MUSK: variants seen among roughly 807,000 people sequenced by gnomAD.
The protein encoded by MUSK is muscle associated receptor tyrosine kinase, also known as muscle, skeletal receptor tyrosine-protein kinase.
A neutral mutation model predicts 88.7 loss-of-function variants in MUSK; 55 were observed. The ratio of observed to expected loss-of-function variants is 0.62; its 90% CI spans 0.50 to 0.78. MUSK has a LOEUF of 0.78. Ranked by LOEUF, MUSK falls within the 30% of genes least tolerant of loss-of-function variation. The pLI is 0.00. For missense variants in MUSK, 1,015 were observed against 1,074.3 expected (o/e 0.94, Z 0.77); for synonymous variants, 387 against 391.9 (o/e 0.99, Z 0.15).
rs1403543378 is a variant in MUSK, at chr9:110,768,064, A to G, written c.1165A>G (p.Thr389Ala). The stretch of plus-strand genomic sequence containing the variant: ...GGAGTGCAGTCCTGGAGTAGTGCCT[A>G]CTCCTATTCCCATTTGCAGGTAAAA... ...FQECSPGVVPTPIPICREYCL... is the reference protein window; with the variant it reads ...FQECSPGVVPAPIPICREYCL... Residue 389 changes from threonine to alanine, a missense_variant, in exon 9 of 15, where the codon ACT becomes GCT. Coordinates refer to ENST00000374448, the MANE Select transcript of MUSK (RefSeq NM_005592.4). The G allele has an allele frequency of 1.2e-6, 2 of 1,603,014 alleles. No homozygotes were observed. The highest frequency in any genetic ancestry group is 1.7e-6 in the Non-Finnish European group (2 of 1,173,454).
rs2767011 is a variant in MUSK at position 110,776,905 on chromosome 9, T to A, written c.1384+250T>A. ...AAATGCTATCTCCCACCTCAAGGTT[T>A]TTAGTCTGTTTTATTTCTTATATGG... On this transcript the variant is annotated intron_variant, in intron 11 of 14. Coordinates refer to ENST00000374448, the MANE Select transcript of MUSK (RefSeq NM_005592.4). 0.85 allele frequency among the ~76,000 whole-genome samples: 129,304 copies of A among 151,828 alleles called. 55,437 individuals carry two copies. Among genetic ancestry groups the A allele is most frequent in the African/African-American group, 0.95 (39,524 of 41,482 alleles).
intron 1 of MUSK, among the ~76,000 whole-genome samples, chr9:110,681,305 A>G (rs557915783): frequency 1.4e-5 from 2 of 147,876 alleles, no homozygotes; most frequent in South Asian, 4.2e-4. Flanking sequence ...TATTTCAACT[A>G]CTATGTTTCA....
chr9:110,668,800 C>A lies in MUSK; in HGVS notation c.-105C>A. ...AGCTGCTGACACAAACAGTCATTAG[C>A]AGACAACCCTTTTGCAACAAAGTAT... is the stretch of plus-strand genomic sequence containing the variant. On this transcript the variant is annotated 5_prime_UTR_variant, in exon 1 of 15. Transcript: ENST00000374448. 3.5e-6 allele frequency: 3 copies of A among 848,860 alleles called. No homozygotes were observed. Among genetic ancestry groups the A allele is most frequent in the Non-Finnish European group, 6.0e-6 (3 of 502,656 alleles). 52.6% of individuals were successfully genotyped at this position (848,860 alleles called of 1,614,324 possible). A position where few individuals can be genotyped will look rare whatever the true frequency, so the allele number is the denominator to read the frequency against.
In MUSK at chr9:110,670,056, A is replaced by C. The variant is rs2075937567; in HGVS notation, c.79+1073A>C. On this transcript the variant is annotated intron_variant, in intron 1 of 14. Coordinates refer to ENST00000374448, the MANE Select transcript of MUSK (RefSeq NM_005592.4). ...CTGGAGCCATAAGGTCAAAGTTCACATGCAAATAAGATGCGGGTTTCTTCA... is the reference window on the plus strand; with the variant it reads ...CTGGAGCCATAAGGTCAAAGTTCACCTGCAAATAAGATGCGGGTTTCTTCA... 4.0e-5 allele frequency among the ~76,000 whole-genome samples: 6 copies of C among 150,662 alleles called. No individual in the cohort carries two copies. The South Asian group carries it at 1.0e-3, about 26-fold the overall frequency.
intron 3 of MUSK, among the ~76,000 whole-genome samples, chr9:110,692,930 G>T (rs1448465456): frequency 6.6e-6 from 1 of 151,178 alleles, no homozygotes; most frequent in Non-Finnish European, 1.5e-5. Flanking sequence ...TTTATTTTTT[G>T]ATCATAATAA....
intron 5 of MUSK, 96 bp downstream of exon 5, chr9:110,697,562 C>T (rs944033254): frequency 7.8e-7 from 1 of 1,276,614 alleles, no homozygotes; most frequent in Non-Finnish European, 1.0e-6. Context: ...GAGATGTGGG[C>T]AGCCCACTTC....
At chr9:110,760,255 G>A (rs375046564) in intron 7 of MUSK, among the ~76,000 whole-genome samples, 4 of 152,212 alleles carry the variant, frequency 2.6e-5, no homozygotes, top group East Asian at 1.9e-4. Context: ...AAAGACACAT[G>A]CATGCAAATG....
At chr9:110,755,801 C>T (rs1046130219) in intron 7 of MUSK, among the ~76,000 whole-genome samples, 7 of 151,386 alleles carry the variant, frequency 4.6e-5, no homozygotes, top group Admixed American at 1.3e-4. Flanking sequence ...ACAAGGAAGG[C>T]GGCAAATGTG....
intron 11 of MUSK, among the ~76,000 whole-genome samples, chr9:110,784,337 G>A (rs1020184296): frequency 6.6e-6 from 1 of 152,028 alleles, no homozygotes; most frequent in African/African-American, 2.4e-5. Context: ...TTTGACAGGA[G>A]TTCAGTTTTT....
chr9:110,779,677 G>A (rs2077722810), intron 11 of MUSK, among the ~76,000 whole-genome samples: 1 of 152,234 alleles, frequency 6.6e-6, no homozygotes, highest in African/African-American at 2.4e-5. Context: ...TTAAACTCAT[G>A]CTAGCTGTCT....
rs559009928 is a variant in MUSK, at chr9:110,798,187, A to G, written c.1928-2119A>G. 2.6e-5 allele frequency among the ~76,000 whole-genome samples: 4 copies of G among 152,338 alleles called. No individual in the cohort carries two copies. The South Asian group carries it at 6.2e-4, about 24-fold the overall frequency. On this transcript the variant is annotated intron_variant, in intron 14 of 14. Coordinates refer to ENST00000374448, the MANE Select transcript of MUSK (RefSeq NM_005592.4). ...TTAATCCCAGTGAAATAAGATGACA[A>G]TAGTGGAAGAAAGGGGAATTGGGAA...
At chr9:110,673,008 G>A (rs924193185) in intron 1 of MUSK, among the ~76,000 whole-genome samples, 3 of 152,136 alleles carry the variant, frequency 2.0e-5, no homozygotes, top group African/African-American at 7.2e-5. Context: ...TAGTTTAAAC[G>A]AGCTCTGGCT....
chr9:110,788,585 T>A (rs182053539), intron 14 of MUSK, among the ~76,000 whole-genome samples: 66 of 151,114 alleles, frequency 4.4e-4, no homozygotes, highest in Non-Finnish European at 8.1e-4. Flanking sequence ...TAAGCCAAGA[T>A]TGCACCACTG....
chr9:110,671,455 T>C (rs2075955753), intron 1 of MUSK, among the ~76,000 whole-genome samples: 2 of 152,220 alleles, frequency 1.3e-5, no homozygotes. Flanking sequence ...AGCTAATAAA[T>C]TGACATATTT....
intron 11 of MUSK, among the ~76,000 whole-genome samples, chr9:110,782,365 C>T (rs932781097): frequency 1.3e-5 from 2 of 152,154 alleles, no homozygotes; most frequent in African/African-American, 4.8e-5. Flanking sequence ...ACAAAACTAT[C>T]TTGAAGGAAA....
At chr9:110,682,879 T>A in intron 2 of MUSK, 79 bp downstream of exon 2, 1 of 1,042,826 alleles carries the variant, frequency 9.6e-7, no homozygotes, top group Non-Finnish European at 1.3e-6. Context: ...ATTTATGAAG[T>A]AGATGAGATG....
intron 5 of MUSK, chr9:110,728,624 A>T: frequency 9.6e-7 from 1 of 1,036,872 alleles, no homozygotes; most frequent in Non-Finnish European, 1.5e-6. Flanking sequence ...TTCCCTTTTC[A>T]TGATGTGTTG....
chr9:110,718,662 A>G (rs2076774399), intron 5 of MUSK, among the ~76,000 whole-genome samples: 1 of 152,134 alleles, frequency 6.6e-6, no homozygotes, highest in African/African-American at 2.4e-5. Flanking sequence ...AACATATTTG[A>G]GGAAATAATC....
rs10817090 is a variant in MUSK, at chr9:110,755,953, C to T, written c.914-6249C>T. 7.9e-3 allele frequency among the ~76,000 whole-genome samples: 555 copies of T among 70,566 alleles called. 9 individuals are homozygous for T. The highest frequency in any genetic ancestry group is 8.4e-3 in the Non-Finnish European group (302 of 36,080). The allele number at this position is 70,566 out of a possible 152,430, so 46.3% of individuals were successfully genotyped here. On this transcript the variant is annotated intron_variant, in intron 7 of 14. Transcript: ENST00000374448. Reference sequence around the variant, plus strand: ...ATATACATATATATATATATATACACATATATATATACATATATATATATA... The same window carrying T: ...ATATACATATATATATATATATACATATATATATATACATATATATATATA...
Sources: gnomAD v4.1 joint callset for allele counts (sites outside exome capture counted in the v4.1 genomes callset) on GRCh38, gnomAD v4.1.1 for gene constraint, MANE v1.5 for transcripts, NCBI Gene and HGNC (gene_info 2026-07-23, HGNC 2026-07-21) for gene names.